WT1: variants seen among roughly 807,000 people sequenced by gnomAD.
WT1 encodes the protein WT1 transcription factor.
In WT1, 8 loss-of-function variants were observed where a neutral mutation model predicts 60.8. The observed-to-expected ratio is 0.13, with a 90% CI of 0.08 to 0.24. The LOEUF (loss-of-function observed/expected upper bound fraction) is 0.24. WT1 is among the 10% of genes least tolerant of loss of function. WT1 has a pLI of 1.00. For missense variants in WT1, 568 were observed against 711.8 expected, an observed-to-expected ratio of 0.80 and a Z score of 2.30; for synonymous variants, 312 against 297.1, an observed-to-expected ratio of 1.05 and a Z score of -0.52.
At chr11:32,430,792 C>A (rs75870920) in intron 1 of WT1, 36 of 1,313,758 alleles carry the variant, frequency 2.7e-5, no homozygotes, top group Non-Finnish European at 3.3e-5. Flanking sequence ...CAGGTCCCCC[C>A]GGGAGGGGCA....
chr11:32,430,683 G>A, intron 1 of WT1: 1 of 1,429,220 alleles, frequency 7.0e-7, no homozygotes, highest in Non-Finnish European at 9.1e-7. Context: ...CCAGAACTCG[G>A]GCCCAAGGAT....
At chr11:32,400,992 C>T (rs981769333) in intron 5 of WT1, among the ~76,000 whole-genome samples, 5 of 152,276 alleles carry the variant, frequency 3.3e-5, no homozygotes, top group South Asian at 4.1e-4. Flanking sequence ...CCCAGAAATC[C>T]CACTCTTAGG....
rs58549495 is a variant in WT1, at chr11:32,388,003, A to AACACAC, written c.*1049_*1054dup. 44 of 229,202 alleles carry AACACAC rather than the reference A, an allele frequency of 1.9e-4. No individual in the cohort carries two copies. The highest frequency in any genetic ancestry group is 5.2e-4 in the Admixed American group (9 of 17,228). 14.2% of individuals were successfully genotyped at this position (229,202 alleles called of 1,614,324 possible). Reference sequence around the variant, plus strand: ...TCCCTTAAAAAACAAAACACAACACAACACACACACACACACACACACACA... The same window carrying AACACAC: ...TCCCTTAAAAAACAAAACACAACACAACACACACACACACACACACACACACACACA... On this transcript the variant is annotated 3_prime_UTR_variant, in exon 10 of 10. Coordinates refer to ENST00000452863, the MANE Select transcript of WT1 (RefSeq NM_024426.6).
At chr11:32,417,439 G>A in intron 4 of WT1, 138 bp downstream of exon 4, 1 of 772,008 alleles carries the variant, frequency 1.3e-6, no homozygotes, top group Non-Finnish European at 2.2e-6. Context: ...AGGGGAAGGA[G>A]GAAAGCGTTC....
Position 32,435,416 on chromosome 11 carries a change from G to T in WT1, c.-56C>A. On this transcript the variant is annotated 5_prime_UTR_variant, in exon 1 of 10. Transcript: ENST00000452863. ...CGCCTGGGCTGCCGTCCCGGCTCTG[G>T]GTGGGTGGGTGGGTGAATGAGTAGG... is the stretch of plus-strand genomic sequence containing the variant. 7.7e-7 allele frequency: 1 copy of T among 1,294,292 alleles called. No individual in the cohort carries two copies. Among genetic ancestry groups the T allele is most frequent in the South Asian group, 1.5e-5 (1 of 66,454 alleles). The allele number at this position is 1,294,292 out of a possible 1,614,324, so 80.2% of individuals were successfully genotyped here.
At chr11:32,424,023 G>T (rs549590923) in intron 3 of WT1, among the ~76,000 whole-genome samples, 1 of 152,184 alleles carries the variant, frequency 6.6e-6, no homozygotes, top group East Asian at 1.9e-4. Context: ...TTAGCCAGGC[G>T]TGGTGGCACA....
intron 4 of WT1, among the ~76,000 whole-genome samples, chr11:32,417,257 C>T (rs981105622): frequency 2.0e-5 from 3 of 152,178 alleles, no homozygotes; most frequent in Non-Finnish European, 2.9e-5. Context: ...GAATGGTTAA[C>T]AACTGTGATA....
At chr11:32,410,191 A>G (rs1383169646) in intron 5 of WT1, among the ~76,000 whole-genome samples, 4 of 152,138 alleles carry the variant, frequency 2.6e-5, no homozygotes, top group Non-Finnish European at 4.4e-5. Flanking sequence ...TCGGCCTCCC[A>G]AAGTGCTGGG....
In WT1 at chr11:32,392,866, G is replaced by A. The variant is rs1053163047; in HGVS notation, c.1265-111C>T. On this transcript the variant is annotated intron_variant, in intron 7 of 9. Coordinates refer to ENST00000452863, the MANE Select transcript of WT1 (RefSeq NM_024426.6). Reference sequence around the variant, plus strand: ...GATCCCAAAATGCCTAAGGCACTTCGCTGGAGCTTGTTAGGGTAGGATGAT... The same window carrying A: ...GATCCCAAAATGCCTAAGGCACTTCACTGGAGCTTGTTAGGGTAGGATGAT... 5.5e-5 allele frequency: 51 copies of A among 921,798 alleles called. No individual in the cohort carries two copies. In the Middle Eastern group the frequency reaches 9.7e-4, roughly 18 times the overall value. The allele number at this position is 921,798 out of a possible 1,614,324, so 57.1% of individuals were successfully genotyped here.
chr11:32,397,283 C>T (rs909174878), intron 6 of WT1, among the ~76,000 whole-genome samples: 28 of 152,122 alleles, frequency 1.8e-4, no homozygotes, highest in Admixed American at 7.2e-4. Flanking sequence ...ACCCCAAAGG[C>T]GGTGAGATGC....
rs559722022 is a variant in WT1, at chr11:32,430,882, T to A, written c.662-2263A>T. 9.7e-6 allele frequency: 11 copies of A among 1,139,488 alleles called. No individual in the cohort carries two copies. In the South Asian group the frequency reaches 2.9e-4, roughly 31 times the overall value. The allele number at this position is 1,139,488 out of a possible 1,614,324, so 70.6% of individuals were successfully genotyped here. ...GGACACGGGTTTGATTAGAGCGCGC[T>A]GTCCCTGGGCCCAGCGCTTGGCCTG... On this transcript the variant is annotated intron_variant, in intron 1 of 9. Transcript: ENST00000452863.
intron 3 of WT1, among the ~76,000 whole-genome samples, chr11:32,423,959 G>A (rs995333750): frequency 2.0e-5 from 3 of 152,084 alleles, no homozygotes; most frequent in Non-Finnish European, 4.4e-5. Context: ...TCAGGAGTTT[G>A]AGACCATCCT....
chr11:32,431,399 C>G (rs11031780), intron 1 of WT1, among the ~76,000 whole-genome samples: 46,212 of 149,510 alleles, frequency 0.31, 9,594 homozygotes, highest in African/African-American at 0.59. Flanking sequence ...TGCGAGCCTG[C>G]GGGGCTGCGG....
In WT1 at chr11:32,389,073, G is replaced by A. The variant is rs267602848; in HGVS notation, c.1554C>T (p.Leu518=). 1 of 1,614,138 alleles carries A rather than the reference G, an allele frequency of 6.2e-7. No individual in the cohort carries two copies. The highest frequency in any genetic ancestry group is 1.3e-5 in the African/African-American group (1 of 74,954). Residue 518 remains leucine (L), a synonymous_variant, in exon 10 of 10, where the codon CTC becomes CTT. Coordinates refer to ENST00000452863, the MANE Select transcript of WT1 (RefSeq NM_024426.6). ...GGGAGACCCCTCAAAGCGCCAGCTG[G>A]AGTTTGGTCATGTTTCTCTGATGCA...
Position 32,435,429 on chromosome 11 carries a change from GTGAATGAGTA to G in WT1, c.-79_-70del. On this transcript the variant is annotated 5_prime_UTR_variant, in exon 1 of 10. Transcript: ENST00000452863. ...GTCCCGGCTCTGGGTGGGTGGGTGG[GTGAATGAGTA>G]GGTGGGAGGGAGGGCGGGAAGTGGG... The G allele has an allele frequency of 4.3e-6, 1 of 230,960 alleles. No homozygotes were observed. The allele number at this position is 230,960 out of a possible 1,614,324, so 14.3% of individuals were successfully genotyped here. A position where few individuals can be genotyped will look rare whatever the true frequency, so the allele number is the denominator to read the frequency against.
chr11:32,435,528 C>A lies in WT1; in HGVS notation c.-168G>T. 9.3e-7 allele frequency: 1 copy of A among 1,077,774 alleles called. No individual in the cohort carries two copies. The highest frequency in any genetic ancestry group is 1.6e-5 in the South Asian group (1 of 61,870). 66.8% of individuals were successfully genotyped at this position (1,077,774 alleles called of 1,614,324 possible). A position where few individuals can be genotyped will look rare whatever the true frequency, so the allele number is the denominator to read the frequency against. On this transcript the variant is annotated 5_prime_UTR_variant, in exon 1 of 10. Coordinates refer to ENST00000452863, the MANE Select transcript of WT1 (RefSeq NM_024426.6). Reference sequence around the variant, plus strand: ...TGTGGGCGCTGCCTTGAACTCCTTACCCCAGCTGCCTGGCTGCCCTCAGCT... The same window carrying A: ...TGTGGGCGCTGCCTTGAACTCCTTAACCCAGCTGCCTGGCTGCCCTCAGCT...
intron 1 of WT1, among the ~76,000 whole-genome samples, chr11:32,434,491 T>C (rs1853419558): frequency 6.6e-6 from 1 of 152,216 alleles, no homozygotes; most frequent in South Asian, 2.1e-4. Context: ...TAGCTCTGCC[T>C]GGCTTTGGAG....
chr11:32,428,179 C>T (rs1297276087), intron 2 of WT1, 121 bp from the exon 3 acceptor site: 12 of 999,820 alleles, frequency 1.2e-5, no homozygotes, highest in Middle Eastern at 2.9e-4. Flanking sequence ...CCTGGATGAG[C>T]GGCGTGCAGA....
At chr11:32,419,700 A>AT (rs1852790495) in intron 3 of WT1, among the ~76,000 whole-genome samples, 1 of 152,134 alleles carries the variant, frequency 6.6e-6, no homozygotes, top group African/African-American at 2.4e-5. Context: ...GAAAATAAAC[A>AT]TTTTTTTCCG....
Sources: allele counts gnomAD v4.1 joint callset (sites outside exome capture counted in the v4.1 genomes callset), GRCh38; gene constraint gnomAD v4.1.1; transcripts MANE v1.5; gene names NCBI Gene and HGNC (gene_info 2026-07-23, HGNC 2026-07-21).